CEP152: variants seen among roughly 807,000 people sequenced by gnomAD.
CEP152 encodes centrosomal protein of 152 kDa.
A neutral mutation model predicts 188.9 loss-of-function variants in CEP152; 132 were observed. The ratio of observed to expected loss-of-function variants is 0.70; its 90% CI spans 0.61 to 0.81. The LOEUF (loss-of-function observed/expected upper bound fraction) is 0.81. Ranked by LOEUF, CEP152 falls within the 30% of genes least tolerant of loss-of-function variation. CEP152 has a pLI of 0.00. For missense variants in CEP152, 1,914 were observed against 1,969.8 expected, an observed-to-expected ratio of 0.97 and a Z score of 0.54; for synonymous variants, 649 against 666.6, an observed-to-expected ratio of 0.97 and a Z score of 0.41.
chr15:48,741,551 G>C (rs1892971186), intron 26 of CEP152, 50 bp downstream of exon 26: 2 of 1,613,296 alleles, frequency 1.2e-6, no homozygotes, highest in Non-Finnish European at 1.7e-6. Context: ...ATATTAAATA[G>C]CTAAAGAAGA....
chr15:48,734,842 T>A (rs1389883972), downstream of CEP152, among the ~76,000 whole-genome samples: 1 of 152,148 alleles, frequency 6.6e-6, no homozygotes, highest in African/African-American at 2.4e-5. Context: ...TATAAAGGTA[T>A]ATATACCTAA....
chr15:48,762,245 T>C, intron 18 of CEP152, 146 bp downstream of exon 18: 1 of 771,982 alleles, frequency 1.3e-6, no homozygotes, highest in South Asian at 1.8e-5. Context: ...AAGAAAAATT[T>C]AGGAACATGA....
downstream of CEP152, among the ~76,000 whole-genome samples, chr15:48,735,191 T>C (rs564076606): frequency 3.9e-5 from 6 of 152,220 alleles, no homozygotes; most frequent in Non-Finnish European, 7.4e-5. Context: ...AAATTAAAAA[T>C]AAATAAGAAA....
chr15:48,739,391 TTA>T (rs1486581605), intron 26 of CEP152, 103 bp from the exon 27 acceptor site: 41 of 1,414,942 alleles, frequency 2.9e-5, no homozygotes, highest in Admixed American at 9.0e-5. Flanking sequence ...AAGAAAAAAT[TTA>T]TGTTTTTATA....
At chr15:48,739,516 T>C (rs1452854926) in intron 26 of CEP152, among the ~76,000 whole-genome samples, 7 of 152,212 alleles carry the variant, frequency 4.6e-5, no homozygotes, top group Non-Finnish European at 1.0e-4. Context: ...GCTTGGTAAT[T>C]TTGTTACTAA....
In CEP152 at chr15:48,765,689, T is replaced by C. The variant is rs1254579655; in HGVS notation, c.2280+1371A>G. 7 of 382,278 alleles carry C rather than the reference T, an allele frequency of 1.8e-5. No homozygotes were observed. In the Admixed American group the frequency reaches 2.5e-4, roughly 14 times the overall value. The allele number at this position is 382,278 out of a possible 1,614,324, so 23.7% of individuals were successfully genotyped here. On this transcript the variant is annotated intron_variant, in intron 17 of 26. Coordinates refer to ENST00000380950, the MANE Select transcript of CEP152 (RefSeq NM_001194998.2). Reference sequence around the variant, plus strand: ...TTTTTTGAGAGACGGAGTTTCGCTCTGTCGCCCAGGCTGGAGTGCAGTGGC... The same window carrying C: ...TTTTTTGAGAGACGGAGTTTCGCTCCGTCGCCCAGGCTGGAGTGCAGTGGC...
intron 21 of CEP152, among the ~76,000 whole-genome samples, chr15:48,749,776 C>T (rs1309016690): frequency 6.6e-6 from 1 of 151,558 alleles, no homozygotes; most frequent in Non-Finnish European, 1.5e-5. Context: ...TTAAAGGAGG[C>T]TAAAGATACA....
chr15:48,767,299 T>C (rs1895194184), intron 16 of CEP152, 36 bp downstream of exon 16: 1 of 1,614,046 alleles, frequency 6.2e-7, no homozygotes, highest in Non-Finnish European at 8.5e-7. Flanking sequence ...ATGTAGTCTC[T>C]ACAGCTTAAA....
At position 48,756,340 on chromosome 15, in the gene CEP152, T is replaced by A. The variant is rs1165022062; in HGVS notation, c.2908A>T (p.Arg970Ter). ...TCTTGCTCATTTTGTTCTTGGATTC[T>A]GTGGATTTCTTCTTGCTTTTCTTTG... The part of the protein sequence containing the change: ...WNKEKQEEIH[R>*]IQEQNEQDYR... Residue 970 changes from arginine to a stop codon, truncating the protein, a stop_gained, in exon 20 of 27, where the codon AGA becomes TGA. Coordinates refer to ENST00000380950, the MANE Select transcript of CEP152 (RefSeq NM_001194998.2). LOFTEE classifies it high-confidence loss of function. 6.4e-7 allele frequency: 1 copy of A among 1,573,778 alleles called. No individual in the cohort carries two copies. Among genetic ancestry groups the A allele is most frequent in the Non-Finnish European group, 8.6e-7 (1 of 1,163,844 alleles).
intron 19 of CEP152, among the ~76,000 whole-genome samples, chr15:48,759,104 G>A (rs920786308): frequency 6.6e-6 from 1 of 151,906 alleles, no homozygotes; most frequent in Non-Finnish European, 1.5e-5. Context: ...AATTTATCAT[G>A]TGTTATCCAT....
intron 2 of CEP152, among the ~76,000 whole-genome samples, chr15:48,731,213 A>G (rs542805160): frequency 1.3e-5 from 2 of 152,364 alleles, no homozygotes; most frequent in East Asian, 3.9e-4. Flanking sequence ...GATGTAAAAC[A>G]CTGTATGTAT....
intron 19 of CEP152, among the ~76,000 whole-genome samples, chr15:48,757,864 G>A (rs1894389246): frequency 6.6e-6 from 1 of 152,194 alleles, no homozygotes; most frequent in Non-Finnish European, 1.5e-5. Context: ...AGGTCATGTT[G>A]CAATGGATGC....
Position 48,739,026 on chromosome 15 carries a change from G to A in CEP152, c.4356C>T (p.His1452=), listed in dbSNP as rs764714488. The part of the protein sequence containing the change: ...EFQFGDGSCK[H]LNSLPRNVSP... ...AAACATTCCTTGGCAAACTGTTTAG[G>A]TGCTTGCAACTACCATCCCCAAACT... is the stretch of plus-strand genomic sequence containing the variant. Residue 1452 remains histidine (H), a synonymous_variant, in exon 27 of 27, where the codon CAC becomes CAT. Transcript: ENST00000380950. 3.1e-6 allele frequency: 5 copies of A among 1,613,988 alleles called. No individual in the cohort carries two copies. The highest frequency in any genetic ancestry group is 2.2e-5 in the East Asian group (1 of 44,890).
At chr15:48,797,151 C>T (rs1157017858) in intron 5 of CEP152, 150 bp downstream of exon 5, 2 of 817,900 alleles carry the variant, frequency 2.4e-6, no homozygotes, top group Non-Finnish European at 4.0e-6. Context: ...ATGACTAATT[C>T]ACCATGAACC....
In CEP152 at chr15:48,804,377, G is replaced by A. The variant is rs527491014; in HGVS notation, c.87+1186C>T. Among the ~76,000 whole-genome samples the A allele has an allele frequency of 2.0e-3, 303 of 152,350 alleles. 2 individuals carry two copies. The highest frequency in any genetic ancestry group is 6.8e-3 in the African/African-American group (283 of 41,586). On this transcript the variant is annotated intron_variant, in intron 2 of 26. Transcript: ENST00000380950. The stretch of plus-strand genomic sequence containing the variant: ...GCCTTAATTCTACCACCAGCCACAT[G>A]AGCAATGGTCAACTGACCCTATTCC...
At chr15:48,730,359 G>A (rs1892381045) in intron 2 of CEP152, among the ~76,000 whole-genome samples, 1 of 152,218 alleles carries the variant, frequency 6.6e-6, no homozygotes, top group Non-Finnish European at 1.5e-5. Context: ...TGAGATTGCA[G>A]TCCCATTTGG....
intron 20 of CEP152, among the ~76,000 whole-genome samples, chr15:48,754,728 C>G (rs546009345): frequency 1.3e-5 from 2 of 152,114 alleles, no homozygotes; most frequent in Admixed American, 1.3e-4. Flanking sequence ...AATGCAGGAC[C>G]CAGAAAGGCT....
intron 1 of CEP152, among the ~76,000 whole-genome samples, chr15:48,807,468 G>T (rs1021801732): frequency 1.3e-5 from 2 of 151,918 alleles, no homozygotes; most frequent in African/African-American, 4.8e-5. Flanking sequence ...GGAAGGAGAA[G>T]GGCGTGAACC....
At chr15:48,803,392 A>C (rs1282754797) in intron 2 of CEP152, among the ~76,000 whole-genome samples, 1 of 152,248 alleles carries the variant, frequency 6.6e-6, no homozygotes, top group African/African-American at 2.4e-5. Context: ...TTGTAGTGAC[A>C]AAGTATACAT....
Sources: gnomAD v4.1 joint callset for allele counts (sites outside exome capture counted in the v4.1 genomes callset) on GRCh38, gnomAD v4.1.1 for gene constraint, MANE v1.5 for transcripts, NCBI Gene and HGNC (gene_info 2026-07-23, HGNC 2026-07-21) for gene names.